THSD7B: variants seen among roughly 807,000 people sequenced by gnomAD.
THSD7B encodes the protein thrombospondin type 1 domain containing 7B.
THSD7B carries 138 observed loss-of-function variants against 213.6 expected under a neutral mutation model. The observed-to-expected ratio is 0.65, with a 90% CI of 0.56 to 0.74. The LOEUF (loss-of-function observed/expected upper bound fraction) is 0.74, where lower values mean the gene tolerates loss of function less well. Ranked by LOEUF, THSD7B falls within the 30% of genes least tolerant of loss-of-function variation. THSD7B has a pLI of 0.00. For synonymous variants in THSD7B, 742 were observed against 687.0 expected, an observed-to-expected ratio of 1.08 and a Z score of -1.25; for missense variants, 1,931 against 1,991.5, an observed-to-expected ratio of 0.97 and a Z score of 0.58.
At chr2:136,836,549 G>A (rs958713378) in intron 1 of THSD7B, among the ~76,000 whole-genome samples, 16 of 152,088 alleles carry the variant, frequency 1.1e-4, no homozygotes, top group African/African-American at 3.9e-4. Flanking sequence ...CACCTCACTG[G>A]CTGTCCTTTC....
intron 14 of THSD7B, among the ~76,000 whole-genome samples, chr2:137,418,871 CTGTAT>C (rs1276114063): frequency 6.6e-6 from 1 of 151,782 alleles, no homozygotes; most frequent in Admixed American, 6.6e-5. Context: ...GGAGTTCATT[CTGTAT>C]AGTGGCTGAA....
chr2:137,183,681 C>G (rs1203166729), intron 7 of THSD7B, among the ~76,000 whole-genome samples: 1 of 151,928 alleles, frequency 6.6e-6, no homozygotes. Flanking sequence ...GCCTCAGGCT[C>G]TGATAGTAAC....
chr2:136,984,937 G>C (rs186602507), intron 2 of THSD7B, among the ~76,000 whole-genome samples: 1 of 152,302 alleles, frequency 6.6e-6, no homozygotes, highest in African/African-American at 2.4e-5. Context: ...TAGCTGCCTT[G>C]TGTTTGTGCC....
chr2:137,082,021 TTATCCA>T (rs1687756326), intron 3 of THSD7B, among the ~76,000 whole-genome samples: 1 of 152,150 alleles, frequency 6.6e-6, no homozygotes, highest in African/African-American at 2.4e-5. Context: ...CTATATATGA[TTATCCA>T]TGACTGCCAC....
Position 137,492,965 on chromosome 2 carries a change from T to C in THSD7B, c.3138+41942T>C, listed in dbSNP as rs572305964. Reference sequence around the variant, plus strand: ...TGAAACCCCGTCTCTACTAAAAATATAAAAAATTAGCCGGGCGTGGTGGTG... The same window carrying C: ...TGAAACCCCGTCTCTACTAAAAATACAAAAAATTAGCCGGGCGTGGTGGTG... On this transcript the variant is annotated intron_variant, in intron 15 of 27. Coordinates refer to ENST00000409968, the MANE Select transcript of THSD7B (RefSeq NM_001316349.2). 8.3e-4 allele frequency among the ~76,000 whole-genome samples: 125 copies of C among 150,634 alleles called. 1 individual carries two copies. The highest frequency in any genetic ancestry group is 5.9e-4 in the East Asian group (3 of 5,092).
At chr2:137,395,271 C>G (rs982338250) in intron 12 of THSD7B, among the ~76,000 whole-genome samples, 1 of 147,212 alleles carries the variant, frequency 6.8e-6, no homozygotes. Flanking sequence ...CCAGTTTTTG[C>G]CCATTCAGTA....
At chr2:137,007,361 C>A in intron 2 of THSD7B, among the ~76,000 whole-genome samples, 1 of 152,236 alleles carries the variant, frequency 6.6e-6, no homozygotes, top group Admixed American at 6.5e-5. Flanking sequence ...TAAATTACAC[C>A]ATGAAGCATT....
intron 13 of THSD7B, among the ~76,000 whole-genome samples, chr2:137,407,899 A>C (rs891658462): frequency 2.0e-5 from 3 of 151,394 alleles, no homozygotes; most frequent in African/African-American, 7.3e-5. Context: ...ATTAGATAGA[A>C]AACCTGTCCA....
At chr2:137,117,205 T>C (rs1013121830) in intron 5 of THSD7B, among the ~76,000 whole-genome samples, 2 of 152,202 alleles carry the variant, frequency 1.3e-5, no homozygotes, top group African/African-American at 4.8e-5. Context: ...GCGGGGTTGT[T>C]CGCCCATTAC....
chr2:137,019,138 G>T (rs1686395948), intron 2 of THSD7B, among the ~76,000 whole-genome samples: 1 of 152,022 alleles, frequency 6.6e-6, no homozygotes, highest in Non-Finnish European at 1.5e-5. Flanking sequence ...CATCCTCTGG[G>T]CACCTTCATG....
intron 8 of THSD7B, among the ~76,000 whole-genome samples, chr2:137,232,050 T>C (rs1681652497): frequency 6.6e-6 from 1 of 152,156 alleles, no homozygotes; most frequent in African/African-American, 2.4e-5. Flanking sequence ...CCTTCTCTTT[T>C]CTTTTATATT....
Position 137,056,750 on chromosome 2 carries a change from A to G in THSD7B, c.470A>G (p.Glu157Gly), listed in dbSNP as rs1170746116. 3 of 1,613,968 alleles carry G rather than the reference A, an allele frequency of 1.9e-6. No homozygotes were observed. The highest frequency in any genetic ancestry group is 2.5e-6 in the Non-Finnish European group (3 of 1,179,878). Reference sequence around the variant, plus strand: ...CTGAACCGAACTGTGGTTGCAAATGAAATATGCGAACACTTTGCCCTTCAG... The same window carrying G: ...CTGAACCGAACTGTGGTTGCAAATGGAATATGCGAACACTTTGCCCTTCAG... ...QKLNRTVVANEICEHFALQPP... is the reference protein window; with the variant it reads ...QKLNRTVVANGICEHFALQPP... The change falls in exon 3 of 28, where the codon GAA (glutamate) becomes GGA (glycine). Residue 157 changes from glutamate (E) to glycine (G), a missense_variant. Transcript: ENST00000409968.
At chr2:137,002,234 C>G (rs1229423726) in intron 2 of THSD7B, among the ~76,000 whole-genome samples, 4 of 152,238 alleles carry the variant, frequency 2.6e-5, no homozygotes, top group East Asian at 1.9e-4. Context: ...TCTTTTACAT[C>G]TAGAGTATGG....
intron 12 of THSD7B, among the ~76,000 whole-genome samples, chr2:137,324,479 A>T (rs1167901125): frequency 6.6e-6 from 1 of 152,058 alleles, no homozygotes; most frequent in East Asian, 1.9e-4. Flanking sequence ...TAATTCTTTC[A>T]TTCATTGCTT....
At chr2:137,026,299 T>A (rs137939467) in intron 2 of THSD7B, among the ~76,000 whole-genome samples, 59 of 152,110 alleles carry the variant, frequency 3.9e-4, no homozygotes, top group Admixed American at 1.2e-3. Flanking sequence ...TTTGGAGGAG[T>A]CCTCTTCTAC....
At chr2:137,533,428 ACTC>A (rs1459777128) in intron 15 of THSD7B, among the ~76,000 whole-genome samples, 1 of 151,774 alleles carries the variant, frequency 6.6e-6, no homozygotes, top group Non-Finnish European at 1.5e-5. Flanking sequence ...TAACTGCATT[ACTC>A]CTCCTTCAAC....
chr2:137,297,743 A>G (rs778621736), intron 12 of THSD7B, among the ~76,000 whole-genome samples: 1 of 151,978 alleles, frequency 6.6e-6, no homozygotes, highest in Non-Finnish European at 1.5e-5. Flanking sequence ...ATGATACTTG[A>G]TGGGTTTACC....
chr2:137,268,304 G>A (rs12611810), intron 10 of THSD7B, among the ~76,000 whole-genome samples: 3,661 of 117,010 alleles, frequency 0.031, 92 homozygotes, highest in Middle Eastern at 0.11. Context: ...CCCTCCCCCA[G>A]GCCCCCACCC....
In THSD7B at chr2:137,140,250, G is replaced by A. The variant is rs112602422; in HGVS notation, c.1370-19963G>A. ...ATTTTTCCAAAATAGTATTTATGTA[G>A]GTCCTTCTTTATAACAATTGCTTAA... is the stretch of plus-strand genomic sequence containing the variant. On this transcript the variant is annotated intron_variant, in intron 5 of 27. Coordinates refer to ENST00000409968, the MANE Select transcript of THSD7B (RefSeq NM_001316349.2). Among the ~76,000 whole-genome samples the A allele has an allele frequency of 2.3e-4, 35 of 152,016 alleles. 1 individual carries two copies. The highest frequency in any genetic ancestry group is 8.0e-4 in the African/African-American group (33 of 41,476).
Sources: allele counts gnomAD v4.1 joint callset (sites outside exome capture counted in the v4.1 genomes callset), GRCh38; gene constraint gnomAD v4.1.1; transcripts MANE v1.5; gene names NCBI Gene and HGNC (gene_info 2026-07-23, HGNC 2026-07-21).